Variants in LRP1B observed in about 807,000 individuals in gnomAD.
The protein encoded by LRP1B is low-density lipoprotein receptor-related protein 1B.
Under a neutral mutation model 556.6 loss-of-function variants are expected in LRP1B, and 217 were observed. The observed-to-expected ratio is 0.39, with a 90% confidence interval of 0.35 to 0.44. The LOEUF is 0.44. LRP1B is among the 20% of genes least tolerant of loss of function. The pLI, the probability that LRP1B is intolerant of heterozygous loss-of-function variation, is 1.00. For missense variants in LRP1B, 5,053 were observed against 5,620.8 expected (o/e 0.90, Z 3.23); for synonymous variants, 2,047 against 1,865.8 (o/e 1.10, Z -2.50).
intron 1 of LRP1B, among the ~76,000 whole-genome samples, chr2:141,906,639 T>A (rs745798797): frequency 1.3e-5 from 2 of 152,086 alleles, no homozygotes; most frequent in African/African-American, 4.8e-5. Flanking sequence ...TATTGATTAT[T>A]GCATTAACAT....
chr2:140,768,373 C>T (rs1367881424), intron 35 of LRP1B, among the ~76,000 whole-genome samples: 1 of 151,802 alleles, frequency 6.6e-6, no homozygotes, highest in Non-Finnish European at 1.5e-5. Context: ...TTAGATCAAA[C>T]TAAGTCTTTA....
At chr2:140,991,215 C>T (rs1697084030) in intron 16 of LRP1B, among the ~76,000 whole-genome samples, 1 of 152,100 alleles carries the variant, frequency 6.6e-6, no homozygotes, top group African/African-American at 2.4e-5. Context: ...TATACATATG[C>T]ACTTCAGTGA....
chr2:141,626,452 T>C (rs1343172923), intron 2 of LRP1B, among the ~76,000 whole-genome samples: 1 of 152,214 alleles, frequency 6.6e-6, no homozygotes, highest in East Asian at 1.9e-4. Context: ...AATGTAATAA[T>C]TGATAAGCTG....
At chr2:142,005,307 G>T (rs975986766) in intron 1 of LRP1B, among the ~76,000 whole-genome samples, 2 of 152,018 alleles carry the variant, frequency 1.3e-5, no homozygotes, top group Admixed American at 6.6e-5. Context: ...AAGCTAACAA[G>T]CCCTTGGAAA....
At chr2:142,101,420 CAT>C (rs1274229736) in intron 1 of LRP1B, among the ~76,000 whole-genome samples, 1 of 151,972 alleles carries the variant, frequency 6.6e-6, no homozygotes, top group African/African-American at 2.4e-5. Context: ...TATCTCTCTG[CAT>C]ATGTTACGTA....
At chr2:142,100,221 CAAGT>C (rs1706524532) in intron 1 of LRP1B, among the ~76,000 whole-genome samples, 1 of 151,870 alleles carries the variant, frequency 6.6e-6, no homozygotes, top group South Asian at 2.1e-4. Flanking sequence ...GTTGTTTATA[CAAGT>C]AAGTGGCTTC....
chr2:140,302,233 G>T, intron 83 of LRP1B, among the ~76,000 whole-genome samples: 1 of 151,934 alleles, frequency 6.6e-6, no homozygotes, highest in South Asian at 2.1e-4. Context: ...TTATCTTTCT[G>T]TCTAAATGCC....
At chr2:141,781,498 A>G (rs897318534) in intron 2 of LRP1B, among the ~76,000 whole-genome samples, 5 of 152,296 alleles carry the variant, frequency 3.3e-5, no homozygotes, top group African/African-American at 1.2e-4. Context: ...AAAATAAAGG[A>G]GCACTCTAGC....
chr2:141,554,900 A>G (rs1905292), intron 2 of LRP1B, among the ~76,000 whole-genome samples: 147,863 of 152,004 alleles, frequency 0.97, 72,051 homozygotes, highest in East Asian at 1. Flanking sequence ...GAATCTTTAG[A>G]GGTAAGACCA....
At chr2:141,789,836 G>A (rs185924457) in intron 2 of LRP1B, among the ~76,000 whole-genome samples, 2 of 151,974 alleles carry the variant, frequency 1.3e-5, no homozygotes, top group African/African-American at 2.4e-5. Context: ...GTTTCCCTCC[G>A]ATCTTCCTCA....
intron 1 of LRP1B, among the ~76,000 whole-genome samples, chr2:141,864,648 G>A (rs925342630): frequency 3.3e-5 from 5 of 151,880 alleles, no homozygotes; most frequent in Admixed American, 3.3e-4. Flanking sequence ...TTGGGAGGCT[G>A]AGGCAGGCAG....
intron 1 of LRP1B, among the ~76,000 whole-genome samples, chr2:141,907,852 A>AT (rs1303086228): frequency 1.3e-5 from 2 of 151,934 alleles, no homozygotes; most frequent in Non-Finnish European, 2.9e-5. Flanking sequence ...TCTTGGATCC[A>AT]TAAATGGCTT....
At chr2:141,591,191 C>A (rs1474600232) in intron 2 of LRP1B, among the ~76,000 whole-genome samples, 1 of 152,160 alleles carries the variant, frequency 6.6e-6, no homozygotes, top group Non-Finnish European at 1.5e-5. Context: ...ACTTCCCTCT[C>A]TCATACTTCC....
rs546256556 is a variant in LRP1B at position 140,291,580 on chromosome 2, G to A, written c.12967+6228C>T. On this transcript the variant is annotated intron_variant, in intron 84 of 90. Coordinates refer to ENST00000389484, the MANE Select transcript of LRP1B (RefSeq NM_018557.3). ...GCAGCGTTTGGTTTCTTGTCCTTGC[G>A]ATAGTTTGCTGAGAATGATGGTTTC... 9.2e-5 allele frequency among the ~76,000 whole-genome samples: 14 copies of A among 151,710 alleles called. No homozygotes were observed. The South Asian group carries it at 1.0e-3, about 11-fold the overall frequency.
intron 2 of LRP1B, among the ~76,000 whole-genome samples, chr2:141,746,999 C>T (rs2105557289): frequency 6.6e-6 from 1 of 151,694 alleles, no homozygotes; most frequent in African/African-American, 2.4e-5. Context: ...TAAAAAAAAT[C>T]TGAAAAGCCA....
rs1689345974 is a variant in LRP1B at position 141,374,274 on chromosome 2, G to A, written c.343+106122C>T. ...GTCTAATGGGATTTCCTGTATAGGT[G>A]ACTAGATACTTTTCTCTTGCTAATT... On this transcript the variant is annotated intron_variant, in intron 3 of 90. Coordinates refer to ENST00000389484, the MANE Select transcript of LRP1B (RefSeq NM_018557.3). Among the ~76,000 whole-genome samples, 2 of 152,084 alleles carry A rather than the reference G, an allele frequency of 1.3e-5. 1 individual carries two copies. The highest frequency in any genetic ancestry group is 4.1e-4 in the South Asian group (2 of 4,830).
At chr2:141,384,361 G>T (rs1018238835) in intron 3 of LRP1B, among the ~76,000 whole-genome samples, 4 of 152,016 alleles carry the variant, frequency 2.6e-5, no homozygotes, top group African/African-American at 9.7e-5. Context: ...TAGTATTATT[G>T]CATTTTTAGT....
chr2:140,653,891 G>A (rs569643153), intron 41 of LRP1B, among the ~76,000 whole-genome samples: 5 of 151,776 alleles, frequency 3.3e-5, no homozygotes, highest in African/African-American at 4.8e-5. Context: ...TGAAGGTGGT[G>A]GTGGGCGCCT....
chr2:140,349,207 A>ACAAT (rs1681844266), intron 77 of LRP1B, among the ~76,000 whole-genome samples: 1 of 152,084 alleles, frequency 6.6e-6, no homozygotes, highest in Non-Finnish European at 1.5e-5. Flanking sequence ...GAACTAAAGG[A>ACAAT]CAATCAATTT....
Sources: allele counts gnomAD v4.1 joint callset (sites outside exome capture counted in the v4.1 genomes callset), GRCh38; gene constraint gnomAD v4.1.1; transcripts MANE v1.5; gene names NCBI Gene and HGNC (gene_info 2026-07-23, HGNC 2026-07-21).